Variants in KAZN observed in about 807,000 individuals in gnomAD.
The protein encoded by KAZN is kazrin.
In KAZN, 40 loss-of-function variants were observed where a neutral mutation model predicts 87.4. The ratio of observed to expected loss-of-function variants is 0.46; its 90% CI spans 0.36 to 0.60. The LOEUF is 0.60. KAZN is among the 20% of genes least tolerant of loss of function. The pLI is 0.00. For missense variants in KAZN, 898 were observed against 1,073.9 expected (o/e 0.84, Z 2.29); for synonymous variants, 466 against 458.3 (o/e 1.02, Z -0.22).
chr1:14,436,734 A>AAAAAAAAAAAC lies in KAZN; in HGVS notation c.250-162245_250-162244insAAAAAACAAAA, dbSNP rs563539375. On this transcript the variant is annotated intron_variant, in intron 2 of 16. Transcript: ENST00000636203. ...CTCTGTCTCAAAAAAAAAAAAAAAA[A>AAAAAAAAAAAC]AAAACCTTAAAACAATCCTGAGAGG... 7.3e-5 allele frequency among the ~76,000 whole-genome samples: 10 copies of AAAAAAAAAAAC among 137,404 alleles called. No homozygotes were observed. In the East Asian group the frequency reaches 1.9e-3, roughly 27 times the overall value. The allele number at this position is 137,404 out of a possible 152,430, so 90.1% of individuals were successfully genotyped here.
intron 2 of KAZN, among the ~76,000 whole-genome samples, chr1:14,404,070 C>T (rs982275332): frequency 6.6e-6 from 1 of 152,120 alleles, no homozygotes; most frequent in Non-Finnish European, 1.5e-5. Context: ...ACTTGCATAG[C>T]ACGCAAAGAA....
chr1:14,051,699 G>A (rs939979605), intron 1 of KAZN, among the ~76,000 whole-genome samples: 1 of 152,056 alleles, frequency 6.6e-6, no homozygotes, highest in African/African-American at 2.4e-5. Context: ...AATTAGCCGG[G>A]TGTGGTGGCA....
At chr1:14,591,311 G>T (rs1020399445) in intron 2 of KAZN, among the ~76,000 whole-genome samples, 2 of 151,938 alleles carry the variant, frequency 1.3e-5, no homozygotes, top group Non-Finnish European at 2.9e-5. Flanking sequence ...TATATATTTT[G>T]CTTGGCTGTG....
At chr1:14,690,448 T>G (rs59578730) in intron 1 of KAZN, among the ~76,000 whole-genome samples, 3,459 of 152,196 alleles carry the variant, frequency 0.023, 144 homozygotes, top group African/African-American at 0.08. Context: ...CTGCGGCCAG[T>G]CTGAAATGGC....
intron 2 of KAZN, among the ~76,000 whole-genome samples, chr1:14,456,396 A>T (rs1667567982): frequency 6.6e-6 from 1 of 152,084 alleles, no homozygotes; most frequent in Non-Finnish European, 1.5e-5. Flanking sequence ...CTCTTAGTAG[A>T]TATTCGAAAA....
intron 2 of KAZN, among the ~76,000 whole-genome samples, chr1:14,189,849 G>A (rs1350275308): frequency 1.3e-5 from 2 of 152,190 alleles, no homozygotes; most frequent in Middle Eastern, 3.4e-3. Flanking sequence ...GGTTTCTTAG[G>A]ATAACTCTTG....
intron 2 of KAZN, among the ~76,000 whole-genome samples, chr1:14,995,060 C>G (rs539282999): frequency 2.6e-5 from 4 of 152,222 alleles, no homozygotes; most frequent in African/African-American, 9.6e-5. Flanking sequence ...GTGCATTTCA[C>G]GCTGGGAAGG....
intron 1 of KAZN, among the ~76,000 whole-genome samples, chr1:14,757,924 G>A (rs1644614443): frequency 2.0e-5 from 3 of 152,106 alleles, no homozygotes; most frequent in Admixed American, 1.3e-4. Flanking sequence ...AGAGAGGGAG[G>A]AATACGTTTT....
At chr1:14,847,344 C>T (rs574789972) in intron 1 of KAZN, among the ~76,000 whole-genome samples, 7 of 152,290 alleles carry the variant, frequency 4.6e-5, no homozygotes, top group South Asian at 2.1e-4. Flanking sequence ...GCAGCCGAGG[C>T]CTGTGAAGAA....
rs768509187 is a variant in KAZN, at chr1:15,114,653, C to T, written c.*18C>T. 6.4e-6 allele frequency: 10 copies of T among 1,567,312 alleles called. No individual in the cohort carries two copies. The highest frequency in any genetic ancestry group is 1.7e-4 in the Middle Eastern group (1 of 5,850). Reference sequence around the variant, plus strand: ...ACGTGTAAGGAACTGGTGGCTCCACCAGACCCAACGTGAGAGACCCAGGAA... The same window carrying T: ...ACGTGTAAGGAACTGGTGGCTCCACTAGACCCAACGTGAGAGACCCAGGAA... On this transcript the variant is annotated 3_prime_UTR_variant, in exon 15 of 15. Transcript: ENST00000376030.
intron 2 of KAZN, among the ~76,000 whole-genome samples, chr1:14,519,981 A>T (rs1671500517): frequency 6.6e-6 from 1 of 152,146 alleles, no homozygotes; most frequent in Admixed American, 6.5e-5. Context: ...GGCATCTGTC[A>T]CACATGTGTT....
rs1412694964 is a variant in KAZN, at chr1:14,949,727, TC to T, written c.227-10954del. On this transcript the variant is annotated intron_variant, in intron 1 of 14. Coordinates refer to ENST00000376030, the MANE Select transcript of KAZN (RefSeq NM_201628.3). The surrounding 1 kb of genome is among the most constrained non-coding windows in gnomAD (Gnocchi z 4.3). Reference sequence around the variant, plus strand: ...GCGATTCCTTGACTTCCCCAGGACATCCCTGCTTCTGAGCCTGTGACTGTCA... The same window carrying T: ...GCGATTCCTTGACTTCCCCAGGACATCCTGCTTCTGAGCCTGTGACTGTCA... Among the ~76,000 whole-genome samples, 1 of 152,166 alleles carries T rather than the reference TC, an allele frequency of 6.6e-6. No individual in the cohort carries two copies. The highest frequency in any genetic ancestry group is 1.5e-5 in the Non-Finnish European group (1 of 68,044).
chr1:14,887,006 G>A (rs1654141862), intron 1 of KAZN, among the ~76,000 whole-genome samples: 1 of 152,100 alleles, frequency 6.6e-6, no homozygotes, highest in Non-Finnish European at 1.5e-5. Context: ...ATAAATAAGT[G>A]ATCCATCCCC....
At chr1:14,924,047 C>T in intron 1 of KAZN, 1 of 746,718 alleles carries the variant, frequency 1.3e-6, no homozygotes, top group Non-Finnish European at 1.5e-6. Flanking sequence ...GGCGCCGCGG[C>T]GGGGCGGGGG....
chr1:14,145,957 CT>C (rs927345184), intron 1 of KAZN, among the ~76,000 whole-genome samples: 8 of 149,600 alleles, frequency 5.3e-5, no homozygotes, highest in Admixed American at 1.3e-4. Context: ...TTTACATTTC[CT>C]TTTTTTTCTT....
At chr1:14,845,215 G>GTGGGTGGATGGATGGA (rs1648579573) in intron 1 of KAZN, among the ~76,000 whole-genome samples, 1 of 145,384 alleles carries the variant, frequency 6.9e-6, no homozygotes, top group Non-Finnish European at 1.5e-5. Context: ...GAGTGGATGG[G>GTGGGTGGATGGATGGA]TGGGTGGATG....
intron 1 of KAZN, among the ~76,000 whole-genome samples, chr1:14,744,796 T>C (rs563749498): frequency 2.6e-5 from 4 of 151,920 alleles, no homozygotes; most frequent in Non-Finnish European, 4.4e-5. Flanking sequence ...CATAAGTAAA[T>C]AACTAGAAGG....
At chr1:14,371,221 G>A (rs1425720241) in intron 2 of KAZN, among the ~76,000 whole-genome samples, 1 of 152,170 alleles carries the variant, frequency 6.6e-6, no homozygotes, top group Non-Finnish European at 1.5e-5. Flanking sequence ...AGTCCTGGGG[G>A]ATGCTGATGC....
chr1:13,997,218 T>G (rs539646237), intron 1 of KAZN, among the ~76,000 whole-genome samples: 9 of 151,964 alleles, frequency 5.9e-5, no homozygotes, highest in African/African-American at 2.2e-4. Flanking sequence ...CCCATCCAAG[T>G]GTCAGCAGCC....
Sources: allele counts gnomAD v4.1 joint callset (sites outside exome capture counted in the v4.1 genomes callset), GRCh38; gene constraint gnomAD v4.1.1; non-coding constraint Gnocchi (gnomAD v3.1); transcripts MANE v1.5; gene names NCBI Gene and HGNC (gene_info 2026-07-23, HGNC 2026-07-21).